The following RBM27 variants were observed in gnomAD, a reference collection of about 807,000 sequenced individuals.
RBM27 encodes the protein RNA-binding protein 27.
In RBM27, 22 loss-of-function variants were observed where a neutral mutation model predicts 135.3. The ratio of observed to expected loss-of-function variants is 0.16; its 90% CI spans 0.12 to 0.23. RBM27 has a LOEUF of 0.23. RBM27 is among the 10% of genes least tolerant of loss of function. The pLI is 1.00. For missense variants in RBM27, 1,009 were observed against 1,281.0 expected (o/e 0.79, Z 3.24); for synonymous variants, 481 against 442.4 (o/e 1.09, Z -1.10).
intron 2 of RBM27, among the ~76,000 whole-genome samples, chr5:146,219,963 C>T (rs578001840): frequency 6.6e-6 from 1 of 152,056 alleles, no homozygotes; most frequent in Admixed American, 6.5e-5. Flanking sequence ...AACTTCTTGC[C>T]TCAAGCAACT....
chr5:146,260,930 G>C (rs1758369714), intron 12 of RBM27, 32 bp downstream of exon 12: 4 of 1,576,278 alleles, frequency 2.5e-6, no homozygotes, highest in Non-Finnish European at 3.4e-6. Flanking sequence ...ACAGAATCCA[G>C]GCATTTTATG....
intron 8 of RBM27, among the ~76,000 whole-genome samples, chr5:146,246,771 T>C (rs1423859763): frequency 6.6e-6 from 1 of 152,154 alleles, no homozygotes; most frequent in East Asian, 1.9e-4. Flanking sequence ...TAGTGAATCT[T>C]CATGTACTTA....
intron 2 of RBM27, 62 bp from the exon 3 acceptor site, chr5:146,223,341 A>G (rs1756536290): frequency 6.8e-7 from 1 of 1,479,134 alleles, no homozygotes; most frequent in South Asian, 1.3e-5. Context: ...TTTGCTGACA[A>G]TGTGTTGTCA....
At chr5:146,212,408 G>T (rs755921363) in intron 1 of RBM27, among the ~76,000 whole-genome samples, 16 of 152,062 alleles carry the variant, frequency 1.1e-4, no homozygotes, top group Non-Finnish European at 2.1e-4. Flanking sequence ...GAGTGCAGTG[G>T]CATGGTCATA....
intron 3 of RBM27, among the ~76,000 whole-genome samples, chr5:146,227,832 A>G (rs1756743495): frequency 6.6e-6 from 1 of 152,232 alleles, no homozygotes; most frequent in East Asian, 1.9e-4. Context: ...AGAAAGCCTT[A>G]ACATTTCCAT....
rs565745649 is a variant in RBM27 at position 146,261,746 on chromosome 5, T to C, written c.2130T>C (p.His710=). 9 of 1,614,128 alleles carry C rather than the reference T, an allele frequency of 5.6e-6. No homozygotes were observed. Among genetic ancestry groups the C allele is most frequent in the Admixed American group, 3.3e-5 (2 of 60,022 alleles). The change falls in exon 13 of 21, where the codon CAT becomes CAC. Residue 710 remains histidine (H), a synonymous_variant. Coordinates refer to ENST00000265271, the MANE Select transcript of RBM27 (RefSeq NM_018989.2). Reference sequence around the variant, plus strand: ...ACCATCACCTGCCACAGCATCTACATCAGCAGCAGGTGCTAGTGGCCCAGT... The same window carrying C: ...ACCATCACCTGCCACAGCATCTACACCAGCAGCAGGTGCTAGTGGCCCAGT... ...QQHHHLPQHL[H]QQQVLVAQSA...
In RBM27 at chr5:146,233,442, T is replaced by C. The variant is rs1159708886; in HGVS notation, c.851-8T>C. On this transcript the variant is annotated splice_polypyrimidine_tract_variant and splice_region_variant and intron_variant, in intron 6 of 20. Coordinates refer to ENST00000265271, the MANE Select transcript of RBM27 (RefSeq NM_018989.2). Reference sequence around the variant, plus strand: ...AATAAGATTCTTTTTTTATTCTTTATTCCACAGAAAGAGGATTTTGTGTAC... The same window carrying C: ...AATAAGATTCTTTTTTTATTCTTTACTCCACAGAAAGAGGATTTTGTGTAC... The C allele has an allele frequency of 2.0e-6, 3 of 1,528,334 alleles. No individual in the cohort carries two copies. The highest frequency in any genetic ancestry group is 2.6e-6 in the Non-Finnish European group (3 of 1,138,928). 94.7% of individuals were successfully genotyped at this position (1,528,334 alleles called of 1,614,324 possible). A position where few individuals can be genotyped will look rare whatever the true frequency, so the allele number is the denominator to read the frequency against.
intron 17 of RBM27, among the ~76,000 whole-genome samples, chr5:146,270,570 A>T (rs1581231285): frequency 6.6e-6 from 1 of 152,212 alleles, no homozygotes; most frequent in African/African-American, 2.4e-5. Context: ...ACAGTTGTGG[A>T]TTCCAATCTG....
chr5:146,233,521 G>T lies in RBM27; in HGVS notation c.922G>T (p.Val308Phe). The change falls in exon 7 of 21, where the codon GTT (valine) becomes TTT (phenylalanine). Residue 308 changes from valine to phenylalanine, a missense_variant. Val to Phe is a conservative substitution (Grantham distance 50). This residue lies in a region of RBM27 where 16 missense variants were observed against 46.1 expected (regional missense o/e 0.35). Transcript: ENST00000265271. ...AAATGATCCCCTAGTTGTTGATGAA[G>T]TTGCTCTGCCAAGTATGATTCCTTT... ...HGNDPLVVDE[V>F]ALPSMIPFPP... is the part of the protein sequence containing the mutation. 6.2e-7 allele frequency: 1 copy of T among 1,611,568 alleles called. No individual in the cohort carries two copies. The highest frequency in any genetic ancestry group is 8.5e-7 in the Non-Finnish European group (1 of 1,179,242).
intron 1 of RBM27, among the ~76,000 whole-genome samples, chr5:146,217,664 T>C (rs544340085): frequency 3.9e-5 from 6 of 151,980 alleles, no homozygotes; most frequent in African/African-American, 1.4e-4. Context: ...AGAACAAGAT[T>C]AGTTAGATTT....
At chr5:146,240,603 G>C (rs140867063) in intron 8 of RBM27, among the ~76,000 whole-genome samples, 1 of 152,050 alleles carries the variant, frequency 6.6e-6, no homozygotes, top group Non-Finnish European at 1.5e-5. Flanking sequence ...CTGGGATTAC[G>C]GGCATGAACC....
In RBM27 at chr5:146,261,579, A is replaced by G; in HGVS notation, c.1963A>G (p.Ile655Val). Residue 655 changes from isoleucine (I) to valine (V), a missense_variant, in exon 13 of 21, where the codon ATT becomes GTT. Ile to Val is a conservative substitution (Grantham distance 29, BLOSUM62 3). Coordinates refer to ENST00000265271, the MANE Select transcript of RBM27 (RefSeq NM_018989.2). ...YLTNEEARKA[I>V]SSTEAVLNNR... ...TACCAATGAGGAGGCCAGGAAAGCC[A>G]TTTCTAGCACAGAAGCAGTTCTAAA... is the stretch of plus-strand genomic sequence containing the variant. The G allele has an allele frequency of 6.2e-7, 1 of 1,614,244 alleles. No homozygotes were observed. Among genetic ancestry groups the G allele is most frequent in the Non-Finnish European group, 8.5e-7 (1 of 1,180,044 alleles).
chr5:146,235,765 C>T (rs531709398), intron 7 of RBM27, among the ~76,000 whole-genome samples: 9 of 152,108 alleles, frequency 5.9e-5, no homozygotes, highest in African/African-American at 2.2e-4. Context: ...CGACTCACTG[C>T]AACCTCCGCC....
At chr5:146,209,020 G>A (rs1755825723) in intron 1 of RBM27, among the ~76,000 whole-genome samples, 1 of 151,952 alleles carries the variant, frequency 6.6e-6, no homozygotes, top group Non-Finnish European at 1.5e-5. Context: ...TTCTAGTTCC[G>A]TATCTATCTC....
At chr5:146,279,644 C>CA (rs904161869) in intron 19 of RBM27, among the ~76,000 whole-genome samples, 1 of 151,436 alleles carries the variant, frequency 6.6e-6, no homozygotes, top group Non-Finnish European at 1.5e-5. Context: ...CCTATCTCAA[C>CA]AAAAAATACA....
intron 8 of RBM27, among the ~76,000 whole-genome samples, chr5:146,238,657 A>T (rs1347690809): frequency 7.0e-6 from 1 of 142,410 alleles, no homozygotes; most frequent in African/African-American, 2.6e-5. Context: ...AAATTAGAAG[A>T]TTTTTTTTTT....
intron 10 of RBM27, among the ~76,000 whole-genome samples, chr5:146,256,962 A>G (rs1581208712): frequency 6.6e-6 from 1 of 152,246 alleles, no homozygotes; most frequent in African/African-American, 2.4e-5. Flanking sequence ...GGAGAACATA[A>G]TGGCATCTCA....
At chr5:146,237,503 C>G in intron 8 of RBM27, 71 bp downstream of exon 8, 2 of 1,485,132 alleles carry the variant, frequency 1.3e-6, no homozygotes, top group South Asian at 1.2e-5. Flanking sequence ...TCAGTATAAC[C>G]CTTTAAAAAA....
At chr5:146,255,796 AT>A (rs1333623999) in intron 10 of RBM27, among the ~76,000 whole-genome samples, 1 of 151,902 alleles carries the variant, frequency 6.6e-6, no homozygotes, top group Non-Finnish European at 1.5e-5. Flanking sequence ...TAGTTTTTTG[AT>A]TAATTTAATC....
Sources: gnomAD v4.1 joint callset for allele counts (sites outside exome capture counted in the v4.1 genomes callset) on GRCh38, gnomAD v4.1.1 for gene constraint, gnomAD v4.1.1 regional missense constraint, MANE v1.5 for transcripts, NCBI Gene and HGNC (gene_info 2026-07-23, HGNC 2026-07-21) for gene names.